Variants in RALY observed in about 807,000 individuals in gnomAD.
RALY encodes RNA-binding protein Raly.
Under a neutral mutation model 30.7 loss-of-function variants are expected in RALY, and 15 were observed. The ratio of observed to expected loss-of-function variants is 0.49; its 90% confidence interval spans 0.33 to 0.75. The LOEUF (loss-of-function observed/expected upper bound fraction) is 0.75, where lower values mean the gene tolerates loss of function less well. Among genes scored for constraint, RALY ranks in the 30% least tolerant of loss-of-function variants. The pLI is 0.02. For synonymous variants in RALY, 177 were observed against 170.8 expected, an observed-to-expected ratio of 1.04 and a Z score of -0.28; for missense variants, 339 against 414.3, an observed-to-expected ratio of 0.82 and a Z score of 1.58.
At chr20:34,009,608 G>A (rs1411596500) in intron 1 of RALY, among the ~76,000 whole-genome samples, 1 of 152,138 alleles carries the variant, frequency 6.6e-6, no homozygotes, top group Non-Finnish European at 1.5e-5. Flanking sequence ...GTAAACTGAA[G>A]CAAAGAGACA....
At position 34,081,642 on chromosome 20, in the gene RALY, G is replaced by A. The variant is rs2034031666; in HGVS notation, c.*1737G>A. The A allele has an allele frequency of 6.6e-6, 1 of 152,228 alleles. No homozygotes were observed. The highest frequency in any genetic ancestry group is 1.5e-5 in the Non-Finnish European group (1 of 68,070). 9.4% of individuals were successfully genotyped at this position (152,228 alleles called of 1,614,324 possible). On this transcript the variant is annotated 3_prime_UTR_variant, in exon 10 of 10. Coordinates refer to ENST00000246194, the MANE Select transcript of RALY (RefSeq NM_016732.3). The stretch of plus-strand genomic sequence containing the variant: ...GCTCCATGTTTTGGTAGAGGGTGGA[G>A]GCTTTGGGCAGTGCTCAAACTCCAC...
chr20:34,041,923 T>A (rs954843257), intron 2 of RALY, among the ~76,000 whole-genome samples: 1 of 151,950 alleles, frequency 6.6e-6, no homozygotes, highest in African/African-American at 2.4e-5. Flanking sequence ...CTGGCCAACA[T>A]GGTGAAACCC....
chr20:34,050,026 T>G (rs2033023210), intron 2 of RALY, among the ~76,000 whole-genome samples: 2 of 152,192 alleles, frequency 1.3e-5, no homozygotes, highest in Non-Finnish European at 2.9e-5. Context: ...TCTAAACTTT[T>G]AAGATCATGT....
chr20:34,071,280 GTTTTC>G (rs993572962), intron 2 of RALY, among the ~76,000 whole-genome samples: 3 of 151,770 alleles, frequency 2.0e-5, no homozygotes, highest in Admixed American at 6.6e-5. Context: ...AGACTAAGCA[GTTTTC>G]TTTTCTTTTC....
chr20:34,039,057 A>G (rs1445090367), intron 2 of RALY, among the ~76,000 whole-genome samples: 2 of 152,136 alleles, frequency 1.3e-5, no homozygotes, highest in Non-Finnish European at 2.9e-5. Context: ...GTAATTGCTG[A>G]TGTTTCTTCC....
chr20:34,015,737 T>C (rs1220097326), intron 1 of RALY, among the ~76,000 whole-genome samples: 1 of 152,062 alleles, frequency 6.6e-6, no homozygotes, highest in African/African-American at 2.4e-5. Context: ...GCTAGATGAG[T>C]CAGGAATGTT....
At chr20:34,052,080 A>G (rs1421797448) in intron 2 of RALY, among the ~76,000 whole-genome samples, 1 of 152,184 alleles carries the variant, frequency 6.6e-6, no homozygotes, top group Non-Finnish European at 1.5e-5. Context: ...CAGGGACCCT[A>G]GAGATCTGTC....
intron 1 of RALY, among the ~76,000 whole-genome samples, chr20:34,005,388 A>T (rs2031112938): frequency 1.3e-5 from 2 of 152,132 alleles, no homozygotes; most frequent in African/African-American, 4.8e-5. Flanking sequence ...GCGTGCCTGT[A>T]ATCCCAGCTA....
intron 2 of RALY, among the ~76,000 whole-genome samples, chr20:34,031,992 C>A (rs1030516732): frequency 6.6e-6 from 1 of 152,162 alleles, no homozygotes; most frequent in Non-Finnish European, 1.5e-5. Flanking sequence ...GATGGAGTTT[C>A]GCTCTTGTTG....
chr20:34,003,749 C>T (rs1200069202), intron 1 of RALY, among the ~76,000 whole-genome samples: 1 of 147,988 alleles, frequency 6.8e-6, no homozygotes, highest in Non-Finnish European at 1.5e-5. Context: ...ACGCCATTCT[C>T]CTGCCTCAGC....
chr20:34,003,920 T>C (rs192376278), intron 1 of RALY, among the ~76,000 whole-genome samples: 14 of 152,344 alleles, frequency 9.2e-5, no homozygotes, highest in Admixed American at 7.8e-4. Context: ...ATTACAGGCG[T>C]GAGCCACCGT....
rs909515054 is a variant in RALY, at chr20:34,083,785, T to C, written c.*3880T>C. 7.2e-5 allele frequency: 11 copies of C among 152,384 alleles called. No individual in the cohort carries two copies. The East Asian group carries it at 2.1e-3, about 29-fold the overall frequency. 9.4% of individuals were successfully genotyped at this position (152,384 alleles called of 1,614,324 possible). The stretch of plus-strand genomic sequence containing the variant: ...CATAGGATGTTATATGCAGTAGGCC[T>C]GTCTGACAAGACCACAGAAATAGAG... On this transcript the variant is annotated 3_prime_UTR_variant, in exon 10 of 10. Transcript: ENST00000246194.
intron 2 of RALY, among the ~76,000 whole-genome samples, chr20:34,053,320 A>G (rs1368838446): frequency 1.3e-5 from 2 of 150,686 alleles, no homozygotes; most frequent in African/African-American, 4.9e-5. Flanking sequence ...TTGACGGCAA[A>G]TTAGTGATAG....
intron 1 of RALY, among the ~76,000 whole-genome samples, chr20:33,998,828 C>T (rs985186467): frequency 7.3e-5 from 11 of 151,614 alleles, no homozygotes; most frequent in African/African-American, 1.2e-4. Flanking sequence ...AGAGTGTGTG[C>T]AGAAAAAAGA....
At chr20:33,999,123 CAAA>C (rs1039542148) in intron 1 of RALY, among the ~76,000 whole-genome samples, 6 of 54,136 alleles carry the variant, frequency 1.1e-4, no homozygotes, top group Non-Finnish European at 1.2e-4. Context: ...GACTCCATCT[CAAA>C]AAAAAAAAAA....
intron 2 of RALY, among the ~76,000 whole-genome samples, chr20:34,056,196 A>G (rs986062805): frequency 2.0e-5 from 3 of 152,150 alleles, no homozygotes; most frequent in Non-Finnish European, 4.4e-5. Context: ...AATACATCAT[A>G]TTATTCATTA....
chr20:34,079,002 G>A (rs1465655158), intron 9 of RALY, among the ~76,000 whole-genome samples: 1 of 152,222 alleles, frequency 6.6e-6, no homozygotes, highest in Non-Finnish European at 1.5e-5. Context: ...TAGCCATACA[G>A]AGCTGTGACA....
At chr20:34,025,685 TTA>T (rs2031995846) in intron 1 of RALY, among the ~76,000 whole-genome samples, 2 of 151,228 alleles carry the variant, frequency 1.3e-5, no homozygotes, top group African/African-American at 4.9e-5. Context: ...ACATGCTATT[TTA>T]AAAAAAAAAA....
chr20:34,021,480 A>C (rs985569564), intron 1 of RALY, among the ~76,000 whole-genome samples: 1 of 152,164 alleles, frequency 6.6e-6, no homozygotes, highest in Admixed American at 6.5e-5. Flanking sequence ...ACTCACTTTT[A>C]TAATAAACCC....
Sources: gnomAD v4.1 joint callset for allele counts (sites outside exome capture counted in the v4.1 genomes callset) on GRCh38, gnomAD v4.1.1 for gene constraint, MANE v1.5 for transcripts, NCBI Gene and HGNC (gene_info 2026-07-23, HGNC 2026-07-21) for gene names.